MSI1: variants seen among roughly 807,000 people sequenced by gnomAD.
MSI1 encodes musashi RNA binding protein 1.
MSI1 carries 15 observed loss-of-function variants against 54.4 expected under a neutral mutation model. The ratio of observed to expected loss-of-function variants is 0.28; its 90% CI spans 0.18 to 0.42. The LOEUF (loss-of-function observed/expected upper bound fraction) is 0.42. Ranked by LOEUF, MSI1 falls within the 20% of genes least tolerant of loss-of-function variation. The probability of loss-of-function intolerance (pLI) is 1.00; values close to 1 mark genes in which losing one functional copy is unlikely to be tolerated. For synonymous variants in MSI1, 200 were observed against 196.5 expected, an observed-to-expected ratio of 1.02 and a Z score of -0.15; for missense variants, 304 against 506.0, an observed-to-expected ratio of 0.60 and a Z score of 3.83.
intron 4 of MSI1, among the ~76,000 whole-genome samples, chr12:120,365,872 G>A (rs1312462589): frequency 6.6e-6 from 1 of 152,172 alleles, no homozygotes; most frequent in Non-Finnish European, 1.5e-5. Flanking sequence ...AATCACACCC[G>A]CTTTTCCCAG....
chr12:120,355,514 A>C (rs1394729666), intron 9 of MSI1, among the ~76,000 whole-genome samples: 1 of 152,220 alleles, frequency 6.6e-6, no homozygotes, highest in Non-Finnish European at 1.5e-5. Flanking sequence ...GGAAGCATCA[A>C]AGGGTAAAGG....
At chr12:120,347,640 G>T (rs992759764) in intron 11 of MSI1, 126 bp from the exon 12 acceptor site, 1 of 1,164,700 alleles carries the variant, frequency 8.6e-7, no homozygotes, top group African/African-American at 1.5e-5. Context: ...TGTAGCCCCA[G>T]GGTCAAGGCA....
intron 9 of MSI1, 95 bp downstream of exon 9, chr12:120,356,807 G>GCAGA: frequency 9.1e-7 from 1 of 1,093,072 alleles, no homozygotes; most frequent in Non-Finnish European, 1.4e-6. Context: ...CAGGAGGAGG[G>GCAGA]CAGACCACAG....
At chr12:120,363,205 GC>G (rs1385191603) in intron 5 of MSI1, 70 bp from the exon 6 acceptor site, 3 of 1,344,532 alleles carry the variant, frequency 2.2e-6, no homozygotes, top group East Asian at 4.6e-5. Context: ...AGGGGCTCGA[GC>G]CCCCCTGCCA....
intron 11 of MSI1, 36 bp downstream of exon 11, chr12:120,351,308 G>A (rs779307435): frequency 1.3e-6 from 2 of 1,593,554 alleles, no homozygotes; most frequent in Admixed American, 3.4e-5. Context: ...TTCTCCCCAT[G>A]TGGCCTGAGA....
At chr12:120,340,898 T>TC (rs1355720185), downstream of MSI1, among the ~76,000 whole-genome samples, 8 of 149,414 alleles carry the variant, frequency 5.4e-5, no homozygotes, top group Admixed American at 5.3e-4. Flanking sequence ...TTTTTTTTTT[T>TC]TTTTTTTGAG....
In MSI1 at chr12:120,367,337, G is replaced by T. The variant is rs1001573404; in HGVS notation, c.267+671C>A. ...CCCTGGAGCCAGCGCCCCCTGCAGG[G>T]TCTAAGACACGAAGGAGCTGTGGGA... On this transcript the variant is annotated intron_variant, in intron 4 of 14. Transcript: ENST00000257552. 2.0e-5 allele frequency among the ~76,000 whole-genome samples: 3 copies of T among 152,164 alleles called. No homozygotes were observed. In the South Asian group the frequency reaches 6.2e-4, roughly 32 times the overall value.
chr12:120,350,901 A>G (rs1283430334), intron 11 of MSI1, among the ~76,000 whole-genome samples: 1 of 152,234 alleles, frequency 6.6e-6, no homozygotes, highest in Non-Finnish European at 1.5e-5. Context: ...GCATCTCTGG[A>G]AAAACATGAG....
chr12:120,353,566 G>A (rs1361979571), intron 9 of MSI1, among the ~76,000 whole-genome samples, 187 bp from the exon 10 acceptor site: 2 of 152,140 alleles, frequency 1.3e-5, no homozygotes, highest in African/African-American at 4.8e-5. Flanking sequence ...CGTTAAACTC[G>A]CCTTAGAGGT....
chr12:120,365,422 C>T (rs1875955085), intron 4 of MSI1, among the ~76,000 whole-genome samples: 1 of 152,158 alleles, frequency 6.6e-6, no homozygotes, highest in Non-Finnish European at 1.5e-5. Flanking sequence ...TGGTGTCTAG[C>T]TCACAGCAAA....
intron 11 of MSI1, among the ~76,000 whole-genome samples, chr12:120,350,472 T>C (rs2136920733): frequency 6.6e-6 from 1 of 152,276 alleles, no homozygotes; most frequent in East Asian, 1.9e-4. Context: ...TCACTCCAGG[T>C]TTCTCTTCCT....
intron 8 of MSI1, among the ~76,000 whole-genome samples, 170 bp downstream of exon 8, chr12:120,357,646 C>T (rs1053435151): frequency 5.3e-5 from 8 of 152,182 alleles, no homozygotes; most frequent in Non-Finnish European, 1.2e-4. Flanking sequence ...GCTGGGATTA[C>T]AGGCACGCAC....
intron 10 of MSI1, 34 bp from the exon 11 acceptor site, chr12:120,351,434 C>A: frequency 6.2e-7 from 1 of 1,605,244 alleles, no homozygotes; most frequent in Non-Finnish European, 8.5e-7. Flanking sequence ...TAGGAAGAAG[C>A]AGGGGAGGCC....
rs1351266775 is a variant in MSI1, at chr12:120,368,099, G to A, written c.183-7C>T. ...AGTGACGAAGCCGAAACCCCTGCGC[G>A]CCGTAGTGAGGGAGAGGCAGATGGT... On this transcript the variant is annotated splice_region_variant and splice_polypyrimidine_tract_variant and intron_variant, in intron 3 of 14. Transcript: ENST00000257552. This position sits in a 1 kb window ranked among gnomAD's most constrained non-coding sequence, Gnocchi z 6.6. 6.2e-7 allele frequency: 1 copy of A among 1,613,254 alleles called. No homozygotes were observed. The highest frequency in any genetic ancestry group is 8.5e-7 in the Non-Finnish European group (1 of 1,179,660).
At chr12:120,367,400 A>G (rs1279754367) in intron 4 of MSI1, among the ~76,000 whole-genome samples, 1 of 152,196 alleles carries the variant, frequency 6.6e-6, no homozygotes, top group African/African-American at 2.4e-5. Flanking sequence ...ATGCCAACCA[A>G]GCAGCTTCTC....
Position 120,368,329 on chromosome 12 carries a change from C to T in MSI1, c.101-56G>A, listed in dbSNP as rs1456870555. The T allele has an allele frequency of 1.3e-4, 206 of 1,530,042 alleles. No individual in the cohort carries two copies. Among genetic ancestry groups the T allele is most frequent in the South Asian group, 5.5e-4 (46 of 83,152 alleles). The allele number at this position is 1,530,042 out of a possible 1,614,324, so 94.8% of individuals were successfully genotyped here. A position where few individuals can be genotyped will look rare whatever the true frequency, so the allele number is the denominator to read the frequency against. ...CCGGGCCCCGCGCCCTTCCCCCCCC[C>T]CCGTCCTTTGCCCCCGGTGACCCCG... On this transcript the variant is annotated intron_variant, in intron 2 of 14. Coordinates refer to ENST00000257552, the MANE Select transcript of MSI1 (RefSeq NM_002442.4). The surrounding 1 kb of genome is among the most constrained non-coding windows in gnomAD (Gnocchi z 6.6).
At chr12:120,358,035 G>T in intron 7 of MSI1, 137 bp from the exon 8 acceptor site, 1 of 713,302 alleles carries the variant, frequency 1.4e-6, no homozygotes, top group Non-Finnish European at 2.5e-6. Context: ...TCACAGCCTG[G>T]AATCCTCTCA....
chr12:120,339,735 C>T (rs968632188), downstream of MSI1, among the ~76,000 whole-genome samples: 1 of 151,376 alleles, frequency 6.6e-6, no homozygotes, highest in Non-Finnish European at 1.5e-5. Context: ...TCTTCGAGGG[C>T]GGGAAGTCGG....
chr12:120,351,490 G>A, intron 10 of MSI1, 90 bp from the exon 11 acceptor site: 1 of 1,196,680 alleles, frequency 8.4e-7, no homozygotes, highest in Non-Finnish European at 1.2e-6. Context: ...CAGGGACACT[G>A]GGTGAGGAGA....
Sources: gnomAD v4.1 joint callset for allele counts (sites outside exome capture counted in the v4.1 genomes callset) on GRCh38, gnomAD v4.1.1 for gene constraint, Gnocchi (gnomAD v3.1) non-coding constraint, MANE v1.5 for transcripts, NCBI Gene and HGNC (gene_info 2026-07-23, HGNC 2026-07-21) for gene names.